The following PROM2 variants were observed in gnomAD, a reference collection of about 807,000 sequenced individuals.
PROM2 encodes prominin-2.
A neutral mutation model predicts 110.2 loss-of-function variants in PROM2; 90 were observed. The observed-to-expected ratio is 0.82, with a 90% CI of 0.69 to 0.97. The LOEUF (loss-of-function observed/expected upper bound fraction) is 0.97. PROM2 is among the 50% of genes least tolerant of loss of function. PROM2 has a pLI of 0.00. For missense variants in PROM2, 1,009 were observed against 1,074.8 expected (o/e 0.94, Z 0.86); for synonymous variants, 470 against 467.8 (o/e 1.00, Z -0.06).
intron 11 of PROM2, among the ~76,000 whole-genome samples, chr2:95,280,386 T>G (rs1281342305): frequency 6.6e-6 from 1 of 152,216 alleles, no homozygotes; most frequent in African/African-American, 2.4e-5. Context: ...AGGGGGTAAG[T>G]GGGGGCTGAA....
Position 95,277,021 on chromosome 2 carries a change from C to A in PROM2, c.732C>A (p.Ser244=). ...CGATCCACACTCAGCTCAGGAGCTC[C>A]GTGTACCCCTTGCTGGCGGCCGTGG... is the stretch of plus-strand genomic sequence containing the variant. ...GSAIHTQLRS[S]VYPLLAAVGS... The change falls in exon 6 of 24, where the codon TCC becomes TCA. Residue 244 remains serine (S), a synonymous_variant. Coordinates refer to ENST00000317620, the MANE Select transcript of PROM2 (RefSeq NM_001165978.3). The A allele has an allele frequency of 6.4e-7, 1 of 1,553,100 alleles. No individual in the cohort carries two copies. The highest frequency in any genetic ancestry group is 2.4e-5 in the East Asian group (1 of 41,240).
intron 7 of PROM2, 169 bp downstream of exon 7, chr2:95,277,735 G>A: frequency 2.6e-6 from 2 of 778,150 alleles, no homozygotes; most frequent in East Asian, 5.4e-5. Context: ...CCCAGGCCAC[G>A]CCCTGTACGT....
At chr2:95,287,752 CA>C (rs1677456449) in intron 20 of PROM2, among the ~76,000 whole-genome samples, 1 of 152,244 alleles carries the variant, frequency 6.6e-6, no homozygotes, top group Admixed American at 6.5e-5. Flanking sequence ...GCCCTTTCCC[CA>C]GCTTGTCCAA....
chr2:95,277,282 G>A, intron 6 of PROM2, 82 bp from the exon 7 acceptor site: 3 of 1,426,446 alleles, frequency 2.1e-6, no homozygotes, highest in Non-Finnish European at 2.9e-6. Context: ...CCCTTTGGCT[G>A]GGGGAGGGGA....
chr2:95,285,514 C>A, intron 15 of PROM2, 125 bp from the exon 16 acceptor site: 1 of 725,368 alleles, frequency 1.4e-6, no homozygotes, highest in Non-Finnish European at 2.3e-6. Flanking sequence ...ACTGATGTGT[C>A]ACAATACACT....
In PROM2 at chr2:95,276,233, T is replaced by A. The variant is rs747061698; in HGVS notation, c.504T>A (p.Gly168=). ...CCTCCCTCCATTCCCACAGGATTGG[T>A]GTGGTCTGTGCCTTTGTCACCAACC... is the stretch of plus-strand genomic sequence containing the variant. ...LLLTTLLLLI[G]VVCAFVTNQR... Residue 168 remains glycine, a synonymous_variant, in exon 4 of 24, where the codon GGT becomes GGA. Coordinates refer to ENST00000317620, the MANE Select transcript of PROM2 (RefSeq NM_001165978.3). The surrounding 1 kb of genome is among the most constrained non-coding windows in gnomAD (Gnocchi z 4.6). 6 of 1,613,940 alleles carry A rather than the reference T, an allele frequency of 3.7e-6. No individual in the cohort carries two copies. Among genetic ancestry groups the A allele is most frequent in the Non-Finnish European group, 5.1e-6 (6 of 1,180,022 alleles).
chr2:95,280,863 A>C (rs1048114286), intron 11 of PROM2, among the ~76,000 whole-genome samples: 1 of 152,092 alleles, frequency 6.6e-6, no homozygotes, highest in African/African-American at 2.4e-5. Context: ...GGCTGGTCTC[A>C]TACTCCTGGA....
chr2:95,284,645 C>T (rs1475982349), intron 14 of PROM2, among the ~76,000 whole-genome samples: 2 of 152,232 alleles, frequency 1.3e-5, no homozygotes, highest in African/African-American at 2.4e-5. Flanking sequence ...CCAAGGGGAG[C>T]CAGCACATCA....
intron 22 of PROM2, 137 bp downstream of exon 22, chr2:95,288,726 T>C: frequency 2.4e-6 from 2 of 829,376 alleles, no homozygotes; most frequent in Admixed American, 2.4e-5. Context: ...AGAGCCACAC[T>C]CTGAGGAGCT....
chr2:95,279,590 C>T (rs375045930), intron 10 of PROM2, among the ~76,000 whole-genome samples: 11 of 152,140 alleles, frequency 7.2e-5, no homozygotes, highest in East Asian at 1.9e-4. Flanking sequence ...CCACCGCGCC[C>T]GGCCGCTTCT....
At chr2:95,287,539 C>G in intron 20 of PROM2, 75 bp downstream of exon 20, 1 of 1,509,472 alleles carries the variant, frequency 6.6e-7, no homozygotes, top group Non-Finnish European at 9.1e-7. Flanking sequence ...CTGCCCCGCC[C>G]CCGCCCCCGG....
Position 95,278,717 on chromosome 2 carries a change from G to A in PROM2, c.1051-4G>A, listed in dbSNP as rs747414510. On this transcript the variant is annotated splice_region_variant and splice_polypyrimidine_tract_variant and intron_variant, in intron 8 of 23. Transcript: ENST00000317620. ...GGAGGCCCAGCACTACTTGGTTCCT[G>A]CAGGAGAACAGCACCTTCAACGCCC... 1.2e-5 allele frequency: 20 copies of A among 1,614,058 alleles called. No homozygotes were observed. Among genetic ancestry groups the A allele is most frequent in the Non-Finnish European group, 1.7e-5 (20 of 1,180,024 alleles).
chr2:95,286,618 G>T lies in PROM2; in HGVS notation c.2040+47G>T, dbSNP rs73957748. 7.9e-6 allele frequency: 12 copies of T among 1,528,440 alleles called. No individual in the cohort carries two copies. The South Asian group carries it at 1.3e-4, about 17-fold the overall frequency. 94.7% of individuals were successfully genotyped at this position (1,528,440 alleles called of 1,614,324 possible). On this transcript the variant is annotated intron_variant, in intron 17 of 23. Transcript: ENST00000317620. ...GCCTGGGGCCTGGGGGAGGGGAGACGTGGAGAGGGGACAGTGAAAGGGGAG... is the reference window on the plus strand; with the variant it reads ...GCCTGGGGCCTGGGGGAGGGGAGACTTGGAGAGGGGACAGTGAAAGGGGAG...
chr2:95,281,169 A>G (rs1677017548), intron 11 of PROM2, 73 bp from the exon 12 acceptor site: 4 of 1,563,696 alleles, frequency 2.6e-6, no homozygotes, highest in Admixed American at 1.7e-5. Context: ...CCCTGGGGTG[A>G]GGGTGGGACA....
chr2:95,282,671 C>T (rs1573456027), intron 14 of PROM2, among the ~76,000 whole-genome samples: 2 of 152,246 alleles, frequency 1.3e-5, no homozygotes, highest in Non-Finnish European at 1.5e-5. Context: ...GATTCCATCC[C>T]CAGCCTGACA....
At position 95,282,034 on chromosome 2, in the gene PROM2, G is replaced by T; in HGVS notation, c.1643+18G>T. On this transcript the variant is annotated intron_variant, in intron 13 of 23. Transcript: ENST00000317620. Reference sequence around the variant, plus strand: ...GCCTATCAGTGAGTGGACAGCCTGGGCAGAGCTGGGACCGGGGAAGGAAGG... The same window carrying T: ...GCCTATCAGTGAGTGGACAGCCTGGTCAGAGCTGGGACCGGGGAAGGAAGG... 1.2e-6 allele frequency: 2 copies of T among 1,613,392 alleles called. No individual in the cohort carries two copies. Among genetic ancestry groups the T allele is most frequent in the Non-Finnish European group, 1.7e-6 (2 of 1,179,328 alleles).
intron 18 of PROM2, 129 bp from the exon 19 acceptor site, chr2:95,287,004 G>T: frequency 8.0e-7 from 1 of 1,256,654 alleles, no homozygotes; most frequent in Non-Finnish European, 1.1e-6. Flanking sequence ...GCAGAGCCTG[G>T]GGGATCACCA....
intron 12 of PROM2, 89 bp downstream of exon 12, chr2:95,281,454 CG>C (rs1677042304): frequency 8.6e-5 from 10 of 115,830 alleles, no homozygotes; most frequent in South Asian, 5.6e-4. Flanking sequence ...AAGTGGGGGT[CG>C]GGGGGTAAAA....
chr2:95,277,852 G>GC, intron 7 of PROM2, 78 bp from the exon 8 acceptor site: 1 of 1,240,740 alleles, frequency 8.1e-7, no homozygotes, highest in Non-Finnish European at 1.2e-6. Context: ...AGAGGCCCCT[G>GC]CCCCCCTCAT....
Sources: allele counts gnomAD v4.1 joint callset (sites outside exome capture counted in the v4.1 genomes callset), GRCh38; gene constraint gnomAD v4.1.1; non-coding constraint Gnocchi (gnomAD v3.1); transcripts MANE v1.5; gene names NCBI Gene and HGNC (gene_info 2026-07-23, HGNC 2026-07-21).